The following DGKE variants were observed in gnomAD, a reference collection of about 807,000 sequenced individuals.
DGKE encodes diacylglycerol kinase epsilon.
In DGKE, 53 loss-of-function variants were observed where a neutral mutation model predicts 70.0. The observed-to-expected ratio is 0.76, with a 90% CI of 0.61 to 0.95. The LOEUF (loss-of-function observed/expected upper bound fraction) is 0.95, where lower values mean the gene tolerates loss of function less well. Ranked by LOEUF, DGKE falls within the 40% of genes least tolerant of loss-of-function variation. The probability of loss-of-function intolerance (pLI) is 0.00; values close to 1 mark genes in which losing one functional copy is unlikely to be tolerated. For synonymous variants in DGKE, 291 were observed against 257.0 expected, an observed-to-expected ratio of 1.13 and a Z score of -1.27; for missense variants, 655 against 706.9, an observed-to-expected ratio of 0.93 and a Z score of 0.83.
chr17:56,861,979 T>G (rs1908321918), intron 10 of DGKE, 61 bp downstream of exon 10: 7 of 1,549,720 alleles, frequency 4.5e-6, no homozygotes, highest in Non-Finnish European at 6.1e-6. Context: ...ATCTCTTGTT[T>G]ATAGACTTTA....
chr17:56,869,487 T>TA lies in DGKE; in HGVS notation c.*6696_*6697insA, dbSNP rs1281666626. 1 of 152,248 alleles carries TA rather than the reference T, an allele frequency of 6.6e-6. No individual in the cohort carries two copies. The highest frequency in any genetic ancestry group is 2.4e-5 in the African/African-American group (1 of 41,460). 9.4% of individuals were successfully genotyped at this position (152,248 alleles called of 1,614,324 possible). A position where few individuals can be genotyped will look rare whatever the true frequency, so the allele number is the denominator to read the frequency against. ...TTATTAGGCATTAGAGGAAGAATAT[T>TA]CTGTAGTCCTGCTTTATTCTGCCAT... On this transcript the variant is annotated 3_prime_UTR_variant, in exon 12 of 12. Transcript: ENST00000284061.
At chr17:56,859,401 A>G (rs943405901) in intron 9 of DGKE, among the ~76,000 whole-genome samples, 2 of 152,008 alleles carry the variant, frequency 1.3e-5, no homozygotes, top group African/African-American at 2.4e-5. Flanking sequence ...TTGCAACAGC[A>G]TCTCTGACAT....
chr17:56,844,000 T>C lies in DGKE; in HGVS notation c.465-19T>C. 6.5e-7 allele frequency: 1 copy of C among 1,533,714 alleles called. No individual in the cohort carries two copies. The highest frequency in any genetic ancestry group is 8.7e-7 in the Non-Finnish European group (1 of 1,148,772). ...TTATGGTTTAAAATTAGTTAATGCT[T>C]GTTTCTTCCTTCCCTCAGGTGCATT... On this transcript the variant is annotated intron_variant, in intron 2 of 11. Coordinates refer to ENST00000284061, the MANE Select transcript of DGKE (RefSeq NM_003647.3).
chr17:56,838,011 T>A (rs929120433), intron 2 of DGKE, among the ~76,000 whole-genome samples: 1 of 152,206 alleles, frequency 6.6e-6, no homozygotes, highest in Non-Finnish European at 1.5e-5. Context: ...TTATCTCTCC[T>A]CTGACTAAAA....
In DGKE at chr17:56,834,778, G is replaced by A. The variant is rs1300986789; in HGVS notation, c.-18G>A. On this transcript the variant is annotated splice_region_variant and 5_prime_UTR_variant, in exon 2 of 12. Transcript: ENST00000284061. Reference sequence around the variant, plus strand: ...CACCGCCTGTTTCTTTTCTGGTTAGGTATCGTCCTTGGAGAAGATGGAAGC... The same window carrying A: ...CACCGCCTGTTTCTTTTCTGGTTAGATATCGTCCTTGGAGAAGATGGAAGC... 1.3e-6 allele frequency: 2 copies of A among 1,582,974 alleles called. No individual in the cohort carries two copies. Among genetic ancestry groups the A allele is most frequent in the Admixed American group, 1.7e-5 (1 of 58,600 alleles).
At chr17:56,840,580 A>G (rs75389576) in intron 2 of DGKE, among the ~76,000 whole-genome samples, 1 of 152,114 alleles carries the variant, frequency 6.6e-6, no homozygotes, top group Non-Finnish European at 1.5e-5. Context: ...GGGTTTCACC[A>G]TGTTACTCAG....
chr17:56,844,756 C>G (rs1469437692), intron 3 of DGKE, among the ~76,000 whole-genome samples: 1 of 152,064 alleles, frequency 6.6e-6, no homozygotes, highest in East Asian at 1.9e-4. Context: ...GAACACTAAA[C>G]CTGTTAACAG....
chr17:56,858,717 A>G (rs191104060), intron 9 of DGKE, 52 bp downstream of exon 9: 1 of 1,331,568 alleles, frequency 7.5e-7, no homozygotes, highest in Admixed American at 2.4e-5. Context: ...TCTCTGGATT[A>G]TGAAGACTTT....
intron 2 of DGKE, among the ~76,000 whole-genome samples, chr17:56,843,648 A>G (rs1479466091): frequency 6.6e-6 from 1 of 152,038 alleles, no homozygotes; most frequent in African/African-American, 2.4e-5. Context: ...GAATATAAAA[A>G]TTACCCAGGC....
At chr17:56,840,914 G>A (rs149499634) in intron 2 of DGKE, among the ~76,000 whole-genome samples, 17 of 152,040 alleles carry the variant, frequency 1.1e-4, no homozygotes, top group African/African-American at 4.1e-4. Context: ...CTTGAGCCCA[G>A]GAGTTCAGGC....
chr17:56,842,627 T>C (rs9899453), intron 2 of DGKE, among the ~76,000 whole-genome samples: 107,689 of 152,112 alleles, frequency 0.71, 38,541 homozygotes, highest in East Asian at 0.91. Context: ...TAGCAGTAAA[T>C]AGGACTCGAG....
rs878931954 is a variant in DGKE, at chr17:56,862,889, C to G, written c.*98C>G. On this transcript the variant is annotated 3_prime_UTR_variant, in exon 12 of 12. Transcript: ENST00000284061. ...AGAAATTCTCTATCAGCTATTCAGT[C>G]TTAATTTCACTAGTAGTATAATGGG... 4 of 1,041,654 alleles carry G rather than the reference C, an allele frequency of 3.8e-6. No homozygotes were observed. In the South Asian group the frequency reaches 8.0e-5, roughly 21 times the overall value. 64.5% of individuals were successfully genotyped at this position (1,041,654 alleles called of 1,614,324 possible).
rs374631132 is a variant in DGKE, at chr17:56,848,001, T to C, written c.824T>C (p.Leu275Pro). The change falls in exon 5 of 12, where the codon CTT (leucine) becomes CCT (proline). Residue 275 changes from leucine to proline, a missense_variant. By Grantham distance (98) the Leu-to-Pro change is moderately conservative (BLOSUM62 -3). Transcript: ENST00000284061. ...CTCCCATATTATTCAGCTCGAGTAC[T>C]TGTTTGTGGAGGGGATGGGACTGTA... ...TLLPYYSARV[L>P]VCGGDGTVGW... 2.5e-6 allele frequency: 4 copies of C among 1,609,954 alleles called. No homozygotes were observed. Among genetic ancestry groups the C allele is most frequent in the African/African-American group, 1.3e-5 (1 of 74,782 alleles).
At chr17:56,837,921 A>G (rs1185365614) in intron 2 of DGKE, among the ~76,000 whole-genome samples, 1 of 152,192 alleles carries the variant, frequency 6.6e-6, no homozygotes, top group African/African-American at 2.4e-5. Context: ...ACACTGCTAG[A>G]GTCTACTTTG....
intron 11 of DGKE, 59 bp downstream of exon 11, chr17:56,862,310 T>TA: frequency 6.9e-7 from 1 of 1,442,678 alleles, no homozygotes; most frequent in Non-Finnish European, 9.7e-7. Context: ...AAGCTGTTGA[T>TA]ATGTAAAATA....
intron 4 of DGKE, chr17:56,847,349 T>TTTTG (rs35785398): frequency 6.6e-6 from 1 of 151,856 alleles, no homozygotes; most frequent in Admixed American, 6.6e-5. Flanking sequence ...TTTTTTTTTT[T>TTTTG]TTTGAGACAG....
In DGKE at chr17:56,834,157, T is replaced by A. The variant is rs981200125; in HGVS notation, c.-122T>A. 6.6e-5 allele frequency: 10 copies of A among 152,298 alleles called. No individual in the cohort carries two copies. The highest frequency in any genetic ancestry group is 1.7e-4 in the African/African-American group (7 of 41,450). 9.4% of individuals were successfully genotyped at this position (152,298 alleles called of 1,614,324 possible). A position where few individuals can be genotyped will look rare whatever the true frequency, so the allele number is the denominator to read the frequency against. ...TGCGTGCGGCTGGAGCCTTAAGCGT[T>A]TCCCCCGCCCGGCTTCATCCCTGCT... On this transcript the variant is annotated 5_prime_UTR_variant, in exon 1 of 12. Coordinates refer to ENST00000284061, the MANE Select transcript of DGKE (RefSeq NM_003647.3).
Position 56,834,905 on chromosome 17 carries a change from C to T in DGKE, c.110C>T (p.Thr37Ile). The T allele has an allele frequency of 6.2e-7, 1 of 1,613,810 alleles. No individual in the cohort carries two copies. Among genetic ancestry groups the T allele is most frequent in the South Asian group, 1.1e-5 (1 of 91,078 alleles). The change falls in exon 2 of 12, where the codon ACC (threonine) becomes ATC (isoleucine). Residue 37 changes from threonine to isoleucine, a missense_variant. Thr to Ile is a moderately conservative substitution (Grantham distance 89). Transcript: ENST00000284061. ...LCSVLLPVFITFWCSLQRSRR... is the reference protein window; with the variant it reads ...LCSVLLPVFIIFWCSLQRSRR... Reference sequence around the variant, plus strand: ...TCGGTCCTGCTGCCGGTGTTCATCACCTTCTGGTGTAGCCTCCAGCGGTCG... The same window carrying T: ...TCGGTCCTGCTGCCGGTGTTCATCATCTTCTGGTGTAGCCTCCAGCGGTCG...
chr17:56,850,047 T>A (rs1907554218), intron 7 of DGKE, among the ~76,000 whole-genome samples: 1 of 152,150 alleles, frequency 6.6e-6, no homozygotes, highest in Non-Finnish European at 1.5e-5. Context: ...CTGATAATTG[T>A]TTAAATGCTG....
Sources: allele counts gnomAD v4.1 joint callset (sites outside exome capture counted in the v4.1 genomes callset), GRCh38; gene constraint gnomAD v4.1.1; transcripts MANE v1.5; gene names NCBI Gene and HGNC (gene_info 2026-07-23, HGNC 2026-07-21).